SMC6: variants seen among roughly 807,000 people sequenced by gnomAD.
SMC6 encodes the protein structural maintenance of chromosomes 6.
A neutral mutation model predicts 142.2 loss-of-function variants in SMC6; 79 were observed. That is an observed-to-expected ratio of 0.56 (90% confidence interval 0.46 to 0.67). The LOEUF (loss-of-function observed/expected upper bound fraction) is 0.67. Ranked by LOEUF, SMC6 falls within the 30% of genes least tolerant of loss-of-function variation. The pLI is 0.00. For synonymous variants in SMC6, 411 were observed against 412.4 expected, an observed-to-expected ratio of 1.00 and a Z score of 0.04; for missense variants, 1,072 against 1,284.0, an observed-to-expected ratio of 0.83 and a Z score of 2.52.
At chr2:17,690,780 T>C (rs913351715) in intron 23 of SMC6, among the ~76,000 whole-genome samples, 2 of 152,018 alleles carry the variant, frequency 1.3e-5, no homozygotes, top group Admixed American at 1.3e-4. Flanking sequence ...AAGAGAAACG[T>C]ACATTAAAAT....
At chr2:17,723,330 G>A (rs1382407186) in intron 9 of SMC6, among the ~76,000 whole-genome samples, 3 of 152,052 alleles carry the variant, frequency 2.0e-5, no homozygotes, top group African/African-American at 7.2e-5. Context: ...GTAATCTACC[G>A]AAAATACACA....
rs1046663503 is a variant in SMC6, at chr2:17,665,435, G to A, written c.*64C>T. The A allele has an allele frequency of 9.4e-7, 1 of 1,063,718 alleles. No homozygotes were observed. Among genetic ancestry groups the A allele is most frequent in the South Asian group, 1.7e-5 (1 of 57,748 alleles). The allele number at this position is 1,063,718 out of a possible 1,614,324, so 65.9% of individuals were successfully genotyped here. ...CAGTCTCATTTTATTATATCAAAGA[G>A]TCCAGAATTTTTTTTCCCTTCACAA... On this transcript the variant is annotated 3_prime_UTR_variant, in exon 28 of 28. Transcript: ENST00000448223.
chr2:17,677,756 A>G (rs181647725), intron 25 of SMC6, among the ~76,000 whole-genome samples: 41 of 152,322 alleles, frequency 2.7e-4, no homozygotes, highest in African/African-American at 9.1e-4. Context: ...TGGGTCTTTT[A>G]AAAACCAAAG....
At chr2:17,702,157 T>C (rs1271729337) in intron 19 of SMC6, among the ~76,000 whole-genome samples, 1 of 152,186 alleles carries the variant, frequency 6.6e-6, no homozygotes, top group African/African-American at 2.4e-5. Flanking sequence ...TTTTAAATGA[T>C]GGCACTGTTG....
In SMC6 at chr2:17,745,740, T is replaced by C. The variant is rs1670713004; in HGVS notation, c.120+87A>G. 2.9e-6 allele frequency: 4 copies of C among 1,363,426 alleles called. No homozygotes were observed. The East Asian group carries it at 1.0e-4, about 34-fold the overall frequency. 84.5% of individuals were successfully genotyped at this position (1,363,426 alleles called of 1,614,324 possible). A position where few individuals can be genotyped will look rare whatever the true frequency, so the allele number is the denominator to read the frequency against. On this transcript the variant is annotated intron_variant, in intron 3 of 27. Transcript: ENST00000448223. ...TTTTAAAAAATCATATTACTTTTTC[T>C]TGATTTTAAGTTATCACAGAATGTG...
rs186435593 is a variant in SMC6 at position 17,727,332 on chromosome 2, G to T, written c.544-863C>A. ...GAAAAAACGTGAAAAGACTAGACTG[G>T]CCTAGCCTCCCAACCTACATCTTTC... is the stretch of plus-strand genomic sequence containing the variant. On this transcript the variant is annotated intron_variant, in intron 7 of 27. Transcript: ENST00000448223. Among the ~76,000 whole-genome samples, 18 of 152,180 alleles carry T rather than the reference G, an allele frequency of 1.2e-4. No homozygotes were observed. The East Asian group carries it at 3.5e-3, about 29-fold the overall frequency.
rs1178483810 is a variant in SMC6 at position 17,706,678 on chromosome 2, C to A, written c.2006+541G>T. 2.0e-5 allele frequency among the ~76,000 whole-genome samples: 3 copies of A among 152,172 alleles called. No individual in the cohort carries two copies. In the Middle Eastern group the frequency reaches 0.01, roughly 518 times the overall value. On this transcript the variant is annotated intron_variant, in intron 18 of 27. Transcript: ENST00000448223. The stretch of plus-strand genomic sequence containing the variant: ...GGGTTGTTTTTTGATACCAAAATTT[C>A]TTTTTGCATGCTCATGAATCTCTTA...
intron 24 of SMC6, among the ~76,000 whole-genome samples, chr2:17,683,208 A>G (rs1024790246): frequency 2.6e-5 from 4 of 152,214 alleles, no homozygotes; most frequent in Non-Finnish European, 5.9e-5. Flanking sequence ...GATTATAGAA[A>G]CTAGAGATAC....
At chr2:17,690,885 C>T (rs569353417) in intron 23 of SMC6, among the ~76,000 whole-genome samples, 5 of 151,800 alleles carry the variant, frequency 3.3e-5, no homozygotes, top group Admixed American at 2.6e-4. Flanking sequence ...CACTCTAACA[C>T]ATCGCTAATG....
At chr2:17,682,096 G>C (rs1454031711) in intron 24 of SMC6, 1 of 152,114 alleles carries the variant, frequency 6.6e-6, no homozygotes, top group East Asian at 1.9e-4. Flanking sequence ...TCTTCTGCCT[G>C]AAACTAAAAA....
At chr2:17,673,554 A>T (rs189709504) in intron 25 of SMC6, among the ~76,000 whole-genome samples, 286 of 150,250 alleles carry the variant, frequency 1.9e-3, no homozygotes, top group African/African-American at 6.1e-3. Context: ...TTTATTATTT[A>T]AAAAAAAATT....
chr2:17,710,245 G>A (rs1668761840), intron 16 of SMC6, among the ~76,000 whole-genome samples: 1 of 152,152 alleles, frequency 6.6e-6, no homozygotes, highest in African/African-American at 2.4e-5. Context: ...AGTAGGATGT[G>A]GGGTAGCAGA....
intron 26 of SMC6, among the ~76,000 whole-genome samples, chr2:17,667,563 T>C (rs1275218195): frequency 6.6e-6 from 1 of 152,174 alleles, no homozygotes; most frequent in Non-Finnish European, 1.5e-5. Flanking sequence ...TAATACTATA[T>C]GTGGTGCCGG....
At chr2:17,746,890 G>A (rs539595438) in intron 2 of SMC6, among the ~76,000 whole-genome samples, 1 of 152,272 alleles carries the variant, frequency 6.6e-6, no homozygotes, top group Middle Eastern at 3.4e-3. Flanking sequence ...ATAAGAATAT[G>A]AGGAACAGTT....
intron 9 of SMC6, 21 bp from the exon 10 acceptor site, chr2:17,721,282 C>A: frequency 6.5e-7 from 1 of 1,543,274 alleles, no homozygotes; most frequent in Non-Finnish European, 8.7e-7. Flanking sequence ...GAAAACAGAA[C>A]GGACGTATTT....
chr2:17,714,202 T>C (rs772607320), intron 16 of SMC6, among the ~76,000 whole-genome samples: 52 of 151,804 alleles, frequency 3.4e-4, no homozygotes, highest in Non-Finnish European at 5.9e-4. Flanking sequence ...CTCAAGCGAT[T>C]CTCCCACCTC....
At chr2:17,667,890 G>A (rs1339273750) in intron 26 of SMC6, among the ~76,000 whole-genome samples, 1 of 152,102 alleles carries the variant, frequency 6.6e-6, no homozygotes, top group Non-Finnish European at 1.5e-5. Flanking sequence ...AACTGTATGT[G>A]GCAATACAGC....
intron 12 of SMC6, 22 bp from the exon 13 acceptor site, chr2:17,717,198 A>G (rs773227628): frequency 1.9e-6 from 3 of 1,558,884 alleles, no homozygotes; most frequent in African/African-American, 2.7e-5. Context: ...AATTAGACAC[A>G]CTTTACAAAA....
intron 5 of SMC6, among the ~76,000 whole-genome samples, chr2:17,736,076 AT>A (rs982218121): frequency 6.6e-6 from 1 of 152,224 alleles, no homozygotes; most frequent in African/African-American, 2.4e-5. Context: ...CAAAAAAGTG[AT>A]GACAGAATCA....
Sources: allele counts gnomAD v4.1 joint callset (sites outside exome capture counted in the v4.1 genomes callset), GRCh38; gene constraint gnomAD v4.1.1; transcripts MANE v1.5; gene names NCBI Gene and HGNC (gene_info 2026-07-23, HGNC 2026-07-21).